ZBTB40: variants seen among roughly 807,000 people sequenced by gnomAD.
The protein encoded by ZBTB40 is zinc finger and BTB domain-containing protein 40.
In ZBTB40, 60 loss-of-function variants were observed where a neutral mutation model predicts 117.5. That is an observed-to-expected ratio of 0.51 (90% CI 0.41 to 0.63). The LOEUF is 0.63. Among genes scored for constraint, ZBTB40 ranks in the 30% least tolerant of loss-of-function variants. The pLI is 0.00. For synonymous variants in ZBTB40, 525 were observed against 577.1 expected, an observed-to-expected ratio of 0.91 and a Z score of 1.29; for missense variants, 1,287 against 1,498.5, an observed-to-expected ratio of 0.86 and a Z score of 2.33.
intron 1 of ZBTB40, among the ~76,000 whole-genome samples, chr1:22,431,390 A>G (rs61769184): frequency 0.7 from 86,558 of 123,484 alleles, 31,930 homozygotes; most frequent in East Asian, 0.88. Context: ...GTGTGTATAT[A>G]TATATATATA....
chr1:22,476,165 C>T (rs1220503286), intron 1 of ZBTB40, among the ~76,000 whole-genome samples: 2 of 152,184 alleles, frequency 1.3e-5, no homozygotes, highest in African/African-American at 4.8e-5. Context: ...ACTTAGTTCT[C>T]ACTTGTACTT....
chr1:22,509,341 C>T (rs1054117850), intron 9 of ZBTB40, 108 bp downstream of exon 9: 1 of 1,481,940 alleles, frequency 6.7e-7, no homozygotes, highest in Non-Finnish European at 9.3e-7. Context: ...GTTTTTCCTT[C>T]TTTTTTTTTC....
chr1:22,437,816 T>A (rs540305027), intron 1 of ZBTB40, among the ~76,000 whole-genome samples: 1 of 151,976 alleles, frequency 6.6e-6, no homozygotes, highest in Admixed American at 6.6e-5. Context: ...TCTCCATAAC[T>A]CTTTTCGTCT....
intron 1 of ZBTB40, among the ~76,000 whole-genome samples, chr1:22,468,499 A>C (rs1641317693): frequency 9.5e-6 from 1 of 105,296 alleles, no homozygotes; most frequent in African/African-American, 3.9e-5. Context: ...TTTTGGAGAC[A>C]GGATGTCGCT....
At chr1:22,496,317 G>A (rs1638772508) in intron 3 of ZBTB40, among the ~76,000 whole-genome samples, 1 of 152,134 alleles carries the variant, frequency 6.6e-6, no homozygotes, top group Admixed American at 6.5e-5. Flanking sequence ...CATGGTCCCT[G>A]CAGACCAGGT....
rs201505449 is a variant in ZBTB40 at position 22,490,615 on chromosome 1, A to C, written c.667A>C (p.Ser223Arg). Residue 223 changes from serine to arginine, a missense_variant, in exon 2 of 18, where the codon AGT becomes CGT. Ser to Arg is a moderately radical substitution (Grantham distance 110). Transcript: ENST00000375647. ...CSPSPAVQTFSEAKKTSTEPG... is the reference protein window; with the variant it reads ...CSPSPAVQTFREAKKTSTEPG... ...CCCCTCCCCTGCTGTGCAAACCTTT[A>C]GTGAGGCAAAGAAGACAAGCACAGA... The C allele has an allele frequency of 6.2e-7, 1 of 1,613,872 alleles. No homozygotes were observed. The highest frequency in any genetic ancestry group is 8.5e-7 in the Non-Finnish European group (1 of 1,180,026).
chr1:22,464,337 G>C (rs529482751), intron 1 of ZBTB40, among the ~76,000 whole-genome samples: 4 of 152,214 alleles, frequency 2.6e-5, no homozygotes, highest in African/African-American at 9.6e-5. Context: ...CCCCCAGAAA[G>C]GGTGTAGTTG....
rs116425363 is a variant in ZBTB40 at position 22,530,150 on chromosome 1, T to G, written c.*3754T>G. 6.6e-6 allele frequency: 1 copy of G among 152,176 alleles called. No homozygotes were observed. Among genetic ancestry groups the G allele is most frequent in the Admixed American group, 6.6e-5 (1 of 15,252 alleles). The allele number at this position is 152,176 out of a possible 1,614,324, so 9.4% of individuals were successfully genotyped here. ...TCCAGGGAGACAAGCAGCATGTTAT[T>G]AAATTGGGCCTAGGCAGTTGGACGA... On this transcript the variant is annotated 3_prime_UTR_variant, in exon 18 of 18. Transcript: ENST00000375647.
intron 1 of ZBTB40, among the ~76,000 whole-genome samples, chr1:22,487,285 T>C (rs1014894585): frequency 6.6e-6 from 1 of 152,374 alleles, no homozygotes; most frequent in African/African-American, 2.4e-5. Flanking sequence ...TCAGTAAATG[T>C]AGAAATGGTG....
At chr1:22,441,473 C>CTTTTTTTTTTTTTTTTTTTTTTTT (rs71020419) in intron 1 of ZBTB40, among the ~76,000 whole-genome samples, 1 of 73,714 alleles carries the variant, frequency 1.4e-5, no homozygotes, top group Admixed American at 2.1e-4. Flanking sequence ...TATTTGCTTT[C>CTTTTTTTTTTTTTTTTTTTTTTTT]TTTTTTTTTT....
intron 1 of ZBTB40, among the ~76,000 whole-genome samples, chr1:22,431,384 G>GTGTGTGTA (rs1222294324): frequency 1.2e-4 from 14 of 119,698 alleles, no homozygotes; most frequent in African/African-American, 2.2e-4. Context: ...GTGTGTGTGT[G>GTGTGTGTA]TATATATATA....
At chr1:22,479,806 T>C (rs1638238343) in intron 1 of ZBTB40, among the ~76,000 whole-genome samples, 1 of 152,218 alleles carries the variant, frequency 6.6e-6, no homozygotes, top group Non-Finnish European at 1.5e-5. Context: ...ATAAGCAGTT[T>C]TCTCAGACTT....
chr1:22,477,662 A>C (rs1298420195), intron 1 of ZBTB40, among the ~76,000 whole-genome samples: 1 of 151,718 alleles, frequency 6.6e-6, no homozygotes, highest in African/African-American at 2.4e-5. Context: ...AAAAAAAAAA[A>C]AGAAAAGAAA....
At chr1:22,512,188 T>G (rs115602655) in intron 11 of ZBTB40, 54 bp downstream of exon 11, 1 of 1,598,010 alleles carries the variant, frequency 6.3e-7, no homozygotes, top group African/African-American at 1.3e-5. Context: ...TTTTATAGCT[T>G]GGATTTCAGG....
intron 1 of ZBTB40, among the ~76,000 whole-genome samples, chr1:22,489,113 C>A (rs755294269): frequency 6.6e-6 from 1 of 152,026 alleles, no homozygotes; most frequent in Non-Finnish European, 1.5e-5. Context: ...AAACCAGGTT[C>A]CAGTTGGAGA....
chr1:22,511,372 G>A (rs749850766), intron 10 of ZBTB40, 25 bp downstream of exon 10: 45 of 1,612,662 alleles, frequency 2.8e-5, no homozygotes, highest in Non-Finnish European at 3.8e-5. Context: ...AGGTGGGAAG[G>A]GGGTTCCTAT....
chr1:22,469,027 C>T (rs1213500921), intron 1 of ZBTB40, among the ~76,000 whole-genome samples: 1 of 151,966 alleles, frequency 6.6e-6, no homozygotes. Context: ...TGGAGTGTCA[C>T]TATGTTGCCC....
intron 1 of ZBTB40, among the ~76,000 whole-genome samples, chr1:22,460,547 T>A (rs1053544644): frequency 1.3e-5 from 2 of 152,056 alleles, no homozygotes; most frequent in Non-Finnish European, 1.5e-5. Context: ...AACTAAGCAA[T>A]AGGTATTATT....
At chr1:22,503,858 T>C (rs924393881) in intron 5 of ZBTB40, among the ~76,000 whole-genome samples, 4 of 152,254 alleles carry the variant, frequency 2.6e-5, no homozygotes, top group Admixed American at 2.0e-4. Flanking sequence ...CGATTACTCA[T>C]TCAGACCTTT....
Sources: gnomAD v4.1 joint callset for allele counts (sites outside exome capture counted in the v4.1 genomes callset) on GRCh38, gnomAD v4.1.1 for gene constraint, MANE v1.5 for transcripts, NCBI Gene and HGNC (gene_info 2026-07-23, HGNC 2026-07-21) for gene names.